The following ARHGAP31 variants were observed in gnomAD, a reference collection of about 807,000 sequenced individuals.
ARHGAP31 encodes rho GTPase-activating protein 31.
Under a neutral mutation model 113.9 loss-of-function variants are expected in ARHGAP31, and 34 were observed. The observed-to-expected ratio is 0.30, with a 90% CI of 0.23 to 0.40. The LOEUF (loss-of-function observed/expected upper bound fraction) is 0.40, where lower values mean the gene tolerates loss of function less well. Ranked by LOEUF, ARHGAP31 falls within the 10% of genes least tolerant of loss-of-function variation. ARHGAP31 has a pLI of 1.00. For synonymous variants in ARHGAP31, 650 were observed against 684.8 expected (o/e 0.95, Z 0.79); for missense variants, 1,548 against 1,767.1 (o/e 0.88, Z 2.22).
chr3:119,411,444 G>T (rs1231167732), intron 11 of ARHGAP31, among the ~76,000 whole-genome samples: 1 of 152,168 alleles, frequency 6.6e-6, no homozygotes, highest in African/African-American at 2.4e-5. Context: ...GATAAGGGCT[G>T]AGAAAGAAGG....
At chr3:119,328,633 T>C (rs6784281) in intron 1 of ARHGAP31, among the ~76,000 whole-genome samples, 53,422 of 151,876 alleles carry the variant, frequency 0.35, 11,380 homozygotes, top group African/African-American at 0.6. Context: ...CTCCACCTTT[T>C]TCTTTCTTTC....
At chr3:119,373,675 G>A (rs1163565632) in intron 3 of ARHGAP31, among the ~76,000 whole-genome samples, 3 of 152,070 alleles carry the variant, frequency 2.0e-5, no homozygotes, top group Non-Finnish European at 4.4e-5. Flanking sequence ...TGTTGACCAG[G>A]CTGGTCTCAA....
chr3:119,296,445 C>T (rs1198725442), intron 1 of ARHGAP31, among the ~76,000 whole-genome samples: 3 of 152,202 alleles, frequency 2.0e-5, no homozygotes, highest in Non-Finnish European at 4.4e-5. Flanking sequence ...TAACCACTAT[C>T]GTCAGAAGTT....
chr3:119,329,109 G>A (rs895613861), intron 1 of ARHGAP31, among the ~76,000 whole-genome samples: 5 of 152,198 alleles, frequency 3.3e-5, no homozygotes, highest in Admixed American at 6.5e-5. Flanking sequence ...CCTAAAAGTC[G>A]TATGGCAAGC....
intron 1 of ARHGAP31, among the ~76,000 whole-genome samples, chr3:119,335,082 G>GA (rs112924694): frequency 0.15 from 22,408 of 148,734 alleles, 1,900 homozygotes; most frequent in African/African-American, 0.23. Flanking sequence ...TTTCCCATGG[G>GA]AAAAAAAAAA....
chr3:119,386,307 A>G (rs917588348), intron 6 of ARHGAP31, among the ~76,000 whole-genome samples: 2 of 152,134 alleles, frequency 1.3e-5, no homozygotes, highest in Admixed American at 6.5e-5. Context: ...CAATAAACCT[A>G]TTTCTCTCAC....
At position 119,294,807 on chromosome 3, in the gene ARHGAP31, C is replaced by G. The variant is rs553753540; in HGVS notation, c.-98C>G. On this transcript the variant is annotated 5_prime_UTR_variant, in exon 1 of 12. Transcript: ENST00000264245. ...ATCTTCCGATGCGGCCCCCCAGAGC[C>G]GCGGGGCAGCCGGTGATCTAGCCCG... The G allele has an allele frequency of 6.9e-6, 8 of 1,167,406 alleles. 1 individual carries two copies. The South Asian group carries it at 9.8e-5, about 14-fold the overall frequency. 72.3% of individuals were successfully genotyped at this position (1,167,406 alleles called of 1,614,324 possible).
At position 119,369,127 on chromosome 3, in the gene ARHGAP31, G is replaced by A. The variant is rs551316250; in HGVS notation, c.348+611G>A. Among the ~76,000 whole-genome samples the A allele has an allele frequency of 2.0e-5, 3 of 152,296 alleles. No individual in the cohort carries two copies. The South Asian group carries it at 6.2e-4, about 32-fold the overall frequency. On this transcript the variant is annotated intron_variant, in intron 3 of 11. Transcript: ENST00000264245. ...TAGCAGCTGTATGGTCACCAAATAG[G>A]GCACACCCATAGGAAAGTAGAAAGA...
intron 6 of ARHGAP31, among the ~76,000 whole-genome samples, chr3:119,384,866 T>C (rs1378413268): frequency 6.6e-6 from 1 of 152,040 alleles, no homozygotes; most frequent in African/African-American, 2.4e-5. Context: ...TCTAGTTGTA[T>C]GGATTTGCCT....
rs151260468 is a variant in ARHGAP31, at chr3:119,355,575, G to A, written c.101-9741G>A. 8.0e-3 allele frequency among the ~76,000 whole-genome samples: 1,216 copies of A among 151,556 alleles called. 18 individuals are homozygous for A. The highest frequency in any genetic ancestry group is 0.028 in the African/African-American group (1,169 of 41,268). On this transcript the variant is annotated intron_variant, in intron 1 of 11. Transcript: ENST00000264245. ...ATAGGTATACATGTGCCATGTTGGT[G>A]TGCTGCACTCATTAACTCGTCATTT...
At chr3:119,390,655 C>G in intron 6 of ARHGAP31, 130 bp from the exon 7 acceptor site, 1 of 1,024,626 alleles carries the variant, frequency 9.8e-7, no homozygotes, top group Non-Finnish European at 1.5e-6. Flanking sequence ...CCCCACCATG[C>G]CCAAGAGAAG....
chr3:119,375,833 T>C (rs1241605266), intron 3 of ARHGAP31, among the ~76,000 whole-genome samples: 8 of 152,208 alleles, frequency 5.3e-5, no homozygotes, highest in Admixed American at 5.2e-4. Context: ...ACTGAAATAG[T>C]ATCTTTTTAA....
chr3:119,349,421 G>A (rs1269921819), intron 1 of ARHGAP31, among the ~76,000 whole-genome samples: 4 of 152,100 alleles, frequency 2.6e-5, no homozygotes, highest in Non-Finnish European at 4.4e-5. Context: ...CTCTGGGCTG[G>A]GTTCTGAAGA....
At position 119,414,366 on chromosome 3, in the gene ARHGAP31, T is replaced by C. The variant is rs953355206; in HGVS notation, c.2437T>C (p.Leu813=). ...GGAAAGAGAAGACTCATCCAGGAAA[T>C]TGAGGACAGATCTCTACATAGACCA... ...GPEREDSSRK[L]RTDLYIDQLK... The change falls in exon 12 of 12, where the codon TTG becomes CTG. Residue 813 remains leucine (L), a synonymous_variant. Transcript: ENST00000264245. The C allele has an allele frequency of 3.1e-6, 5 of 1,614,008 alleles. No homozygotes were observed. The highest frequency in any genetic ancestry group is 4.2e-6 in the Non-Finnish European group (5 of 1,180,016).
chr3:119,325,370 C>T (rs2079831505), intron 1 of ARHGAP31, among the ~76,000 whole-genome samples: 1 of 152,190 alleles, frequency 6.6e-6, no homozygotes, highest in African/African-American at 2.4e-5. Context: ...TGTTGATCTT[C>T]CCAAGACGCT....
chr3:119,364,628 G>A (rs1308996966), intron 1 of ARHGAP31, among the ~76,000 whole-genome samples: 1 of 152,166 alleles, frequency 6.6e-6, no homozygotes, highest in Non-Finnish European at 1.5e-5. Context: ...TAATAGGTTG[G>A]GAGTGGGGCC....
At chr3:119,402,763 G>C (rs2080624131) in intron 10 of ARHGAP31, among the ~76,000 whole-genome samples, 1 of 152,200 alleles carries the variant, frequency 6.6e-6, no homozygotes, top group Non-Finnish European at 1.5e-5. Context: ...GAGAAGGCAG[G>C]AGAAAAACTC....
intron 11 of ARHGAP31, among the ~76,000 whole-genome samples, chr3:119,411,777 A>G (rs556024813): frequency 1.3e-5 from 2 of 152,342 alleles, no homozygotes; most frequent in South Asian, 4.1e-4. Context: ...GAAATAATCC[A>G]AAAGAAAACA....
Position 119,401,959 on chromosome 3 carries a change from A to T in ARHGAP31, c.1207A>T (p.Met403Leu). The T allele has an allele frequency of 6.2e-7, 1 of 1,614,016 alleles. No individual in the cohort carries two copies. The highest frequency in any genetic ancestry group is 8.5e-7 in the Non-Finnish European group (1 of 1,179,980). The change falls in exon 10 of 12, where the codon ATG becomes TTG. Residue 403 changes from methionine (M) to leucine (L), a missense_variant. Met to Leu is a conservative substitution (Grantham distance 15). Coordinates refer to ENST00000264245, the MANE Select transcript of ARHGAP31 (RefSeq NM_020754.4). ...GGAGGGCGAATGGGGCCAGGAGGGG[A>T]TGCCTCCCGGGGCTGAGGGTGGCTT... ...KQEGEWGQEG[M>L]PPGAEGGFDV... is the part of the protein sequence containing the mutation.
Sources: allele counts gnomAD v4.1 joint callset (sites outside exome capture counted in the v4.1 genomes callset), GRCh38; gene constraint gnomAD v4.1.1; transcripts MANE v1.5; gene names NCBI Gene and HGNC (gene_info 2026-07-23, HGNC 2026-07-21).